The following NFASC variants were observed in gnomAD, a reference collection of about 807,000 sequenced individuals.
NFASC encodes neurofascin homolog.
In NFASC, 43 loss-of-function variants were observed where a neutral mutation model predicts 147.5. The observed-to-expected ratio is 0.29, with a 90% confidence interval of 0.23 to 0.38. The LOEUF (loss-of-function observed/expected upper bound fraction) is 0.38. Ranked by LOEUF, NFASC falls within the 10% of genes least tolerant of loss-of-function variation. The probability of loss-of-function intolerance (pLI) is 1.00; values close to 1 mark genes in which losing one functional copy is unlikely to be tolerated. For synonymous variants in NFASC, 622 were observed against 665.5 expected (o/e 0.93, Z 1.01); for missense variants, 1,320 against 1,689.0 (o/e 0.78, Z 3.83).
At chr1:205,008,078 AG>A (rs2096168992) in intron 27 of NFASC, among the ~76,000 whole-genome samples, 1 of 152,120 alleles carries the variant, frequency 6.6e-6, no homozygotes, top group African/African-American at 2.4e-5. Flanking sequence ...CAGAGTGCAG[AG>A]GACACGTGTT....
intron 1 of NFASC, among the ~76,000 whole-genome samples, chr1:204,847,163 G>A (rs929266866): frequency 2.6e-5 from 4 of 152,022 alleles, no homozygotes; most frequent in South Asian, 2.1e-4. Flanking sequence ...AGTGTGAGTG[G>A]CCTGTGACTA....
chr1:204,933,357 G>C (rs913800352), intron 2 of NFASC, among the ~76,000 whole-genome samples: 18 of 152,162 alleles, frequency 1.2e-4, no homozygotes, highest in African/African-American at 3.9e-4. Context: ...TTGATGCCTG[G>C]GTATGGGCTA....
intron 1 of NFASC, among the ~76,000 whole-genome samples, chr1:204,869,428 C>T (rs1194412289): frequency 6.6e-6 from 1 of 152,176 alleles, no homozygotes. Context: ...CAAAGATAGT[C>T]ATTCTTCTCC....
At chr1:204,883,648 G>T (rs1391396492) in intron 1 of NFASC, among the ~76,000 whole-genome samples, 1 of 152,244 alleles carries the variant, frequency 6.6e-6, no homozygotes, top group African/African-American at 2.4e-5. Context: ...AAGCATGCCT[G>T]TAGCTGAAGA....
chr1:204,964,616 CAA>C lies in NFASC; in HGVS notation c.707-3631_707-3630del, dbSNP rs746682250. Among the ~76,000 whole-genome samples the C allele has an allele frequency of 1.2e-4, 19 of 152,314 alleles. No homozygotes were observed. In the East Asian group the frequency reaches 3.3e-3, roughly 26 times the overall value. Reference sequence around the variant, plus strand: ...CTGAAAGGTATCAAATATTACTAGACAAAGAGTTTTTCCTATCTTCTGGGGTT... The same window carrying C: ...CTGAAAGGTATCAAATATTACTAGACAGAGTTTTTCCTATCTTCTGGGGTT... On this transcript the variant is annotated intron_variant, in intron 8 of 29. Transcript: ENST00000339876.
At chr1:205,003,546 G>A (rs887393691) in intron 27 of NFASC, among the ~76,000 whole-genome samples, 2 of 152,188 alleles carry the variant, frequency 1.3e-5, no homozygotes, top group Admixed American at 6.5e-5. Context: ...TTTAAACTCA[G>A]CCGAGCAGGC....
rs145670594 is a variant in NFASC at position 205,016,338 on chromosome 1, T to C, written c.3522T>C (p.Ser1174=). 8.1e-6 allele frequency: 13 copies of C among 1,613,760 alleles called. No individual in the cohort carries two copies. Among genetic ancestry groups the C allele is most frequent in the Non-Finnish European group, 1.1e-5 (13 of 1,179,850 alleles). The change falls in exon 30 of 30, where the codon AGT becomes AGC. Residue 1174 remains serine (S), a synonymous_variant. Coordinates refer to ENST00000339876, the MANE Select transcript of NFASC (RefSeq NM_001005388.3). The surrounding 1 kb of genome is among the most constrained non-coding windows in gnomAD (Gnocchi z 5.1). ...AGGACAACAAGCCCCTGCAGGGCAGTCAGACATCTCTGGACGGCACCATCA... is the reference window on the plus strand; with the variant it reads ...AGGACAACAAGCCCCTGCAGGGCAGCCAGACATCTCTGGACGGCACCATCA... ...SDEDNKPLQG[S]QTSLDGTIKQ... is the part of the protein sequence containing the mutation.
At position 205,016,860 on chromosome 1, in the gene NFASC, A is replaced by T. The variant is rs2096366734; in HGVS notation, c.*321A>T. ...CACTGTCCGCCCTTGGCCTCGGCAC[A>T]CGCTCACCTTTTCTGTTGGTTACGG... is the stretch of plus-strand genomic sequence containing the variant. On this transcript the variant is annotated 3_prime_UTR_variant, in exon 30 of 30. Transcript: ENST00000339876. This position sits in a 1 kb window ranked among gnomAD's most constrained non-coding sequence, Gnocchi z 5.1. The T allele has an allele frequency of 4.6e-6, 2 of 436,652 alleles. No individual in the cohort carries two copies. Among genetic ancestry groups the T allele is most frequent in the Admixed American group, 3.5e-5 (1 of 28,954 alleles). The allele number at this position is 436,652 out of a possible 1,614,324, so 27.0% of individuals were successfully genotyped here.
rs954745163 is a variant in NFASC at position 204,877,059 on chromosome 1, T to A, written c.-199-43573T>A. Among the ~76,000 whole-genome samples, 2 of 98,072 alleles carry A rather than the reference T, an allele frequency of 2.0e-5. 1 individual carries two copies. The highest frequency in any genetic ancestry group is 1.3e-4 in the African/African-American group (2 of 15,692). The allele number at this position is 98,072 out of a possible 152,430, so 64.3% of individuals were successfully genotyped here. On this transcript the variant is annotated intron_variant, in intron 1 of 29. Transcript: ENST00000339876. ...TATTTATATATATATAATATATTTA[T>A]TTATATATTTATATATATATAATAT...
intron 1 of NFASC, among the ~76,000 whole-genome samples, chr1:204,853,330 A>T (rs1368131498): frequency 6.6e-6 from 1 of 152,230 alleles, no homozygotes; most frequent in Non-Finnish European, 1.5e-5. Context: ...TTAGTTCCCC[A>T]TAATCACATT....
intron 1 of NFASC, among the ~76,000 whole-genome samples, chr1:204,854,512 A>C (rs975727443): frequency 2.6e-5 from 4 of 152,020 alleles, no homozygotes; most frequent in Admixed American, 2.0e-4. Flanking sequence ...TGTGTGCATG[A>C]CTCTGGGATT....
chr1:204,881,528 G>C (rs1370207008), intron 1 of NFASC, among the ~76,000 whole-genome samples: 1 of 152,122 alleles, frequency 6.6e-6, no homozygotes, highest in Non-Finnish European at 1.5e-5. Context: ...ACTATGAGTG[G>C]GGCCTTGTCC....
intron 23 of NFASC, among the ~76,000 whole-genome samples, chr1:204,990,843 A>G (rs2095715293): frequency 6.6e-6 from 1 of 152,156 alleles, no homozygotes; most frequent in African/African-American, 2.4e-5. Flanking sequence ...GTGTCCTCCC[A>G]CACCACCTAC....
chr1:204,908,790 C>T (rs1204514428), intron 1 of NFASC, among the ~76,000 whole-genome samples: 1 of 152,146 alleles, frequency 6.6e-6, no homozygotes, highest in Non-Finnish European at 1.5e-5. Context: ...TCATTTACAT[C>T]ATATATATCA....
At chr1:204,833,300 T>C (rs961223869) in intron 1 of NFASC, among the ~76,000 whole-genome samples, 10 of 152,240 alleles carry the variant, frequency 6.6e-5, no homozygotes, top group Non-Finnish European at 1.5e-5. Context: ...TATTGTTAAG[T>C]TGCTGGTTTT....
intron 1 of NFASC, among the ~76,000 whole-genome samples, chr1:204,842,561 T>C (rs1675664280): frequency 6.6e-6 from 1 of 152,220 alleles, no homozygotes; most frequent in African/African-American, 2.4e-5. Flanking sequence ...CAGTTAGGCC[T>C]GGGCCCAAAA....
In NFASC at chr1:205,002,619, C is replaced by A; in HGVS notation, c.3160C>A (p.Pro1054Thr). 1 of 1,533,994 alleles carries A rather than the reference C, an allele frequency of 6.5e-7. No homozygotes were observed. The highest frequency in any genetic ancestry group is 8.9e-7 in the Non-Finnish European group (1 of 1,125,626). Residue 1054 changes from proline (P) to threonine (T), a missense_variant, in exon 27 of 30, where the codon CCA (proline) becomes ACA (threonine). Physicochemically the swap from Pro to Thr is conservative, Grantham distance 38. This residue lies in a region of NFASC where 172 missense variants were observed against 165.8 expected (regional missense o/e 1.04). Transcript: ENST00000339876. ...AGGCAACCATACGAAAAAAACTGTC[C>A]CAGTTAAGGCCCAGGCTCAGCCTAT... ...IDSNHTKKTV[P>T]VKAQAQPIQL...
chr1:205,019,702 G>A lies in NFASC; in HGVS notation c.*3163G>A, dbSNP rs1176443499. 6.6e-6 allele frequency: 1 copy of A among 152,198 alleles called. No homozygotes were observed. The highest frequency in any genetic ancestry group is 1.5e-5 in the Non-Finnish European group (1 of 68,062). The allele number at this position is 152,198 out of a possible 1,614,324, so 9.4% of individuals were successfully genotyped here. ...CGAGCTTGAAGAGAGGGATTCTGAG[G>A]GAGAGCTTGGTCCATCTGGTCACCA... On this transcript the variant is annotated 3_prime_UTR_variant, in exon 30 of 30. Coordinates refer to ENST00000339876, the MANE Select transcript of NFASC (RefSeq NM_001005388.3).
rs2095636901 is a variant in NFASC, at chr1:204,987,338, T to C, written c.2471-80T>C. The C allele has an allele frequency of 6.5e-6, 9 of 1,387,710 alleles. No homozygotes were observed. The highest frequency in any genetic ancestry group is 1.4e-5 in the African/African-American group (1 of 70,060). The allele number at this position is 1,387,710 out of a possible 1,614,324, so 86.0% of individuals were successfully genotyped here. A position where few individuals can be genotyped will look rare whatever the true frequency, so the allele number is the denominator to read the frequency against. On this transcript the variant is annotated intron_variant, in intron 21 of 29. Transcript: ENST00000339876. The surrounding 1 kb of genome is among the most constrained non-coding windows in gnomAD (Gnocchi z 4.4). ...TGTCCAGAGGTCAATGCCTTCATAC[T>C]TGTGCTTTGTTTTTTGTGTTTTCCT...
Sources: allele counts gnomAD v4.1 joint callset (sites outside exome capture counted in the v4.1 genomes callset), GRCh38; gene constraint gnomAD v4.1.1; regional missense constraint gnomAD v4.1.1; non-coding constraint Gnocchi (gnomAD v3.1); transcripts MANE v1.5; gene names NCBI Gene and HGNC (gene_info 2026-07-23, HGNC 2026-07-21).